The following TBC1D5 variants were observed in gnomAD, a reference collection of about 807,000 sequenced individuals.
The protein encoded by TBC1D5 is TBC1 domain family member 5.
TBC1D5 carries 75 observed loss-of-function variants against 100.3 expected under a neutral mutation model. The ratio of observed to expected loss-of-function variants is 0.75; its 90% confidence interval spans 0.62 to 0.91. The LOEUF (loss-of-function observed/expected upper bound fraction) is 0.91. Among genes scored for constraint, TBC1D5 ranks in the 40% least tolerant of loss-of-function variants. TBC1D5 has a pLI of 0.00. For synonymous variants in TBC1D5, 323 were observed against 325.6 expected, an observed-to-expected ratio of 0.99 and a Z score of 0.09; for missense variants, 910 against 942.4, an observed-to-expected ratio of 0.97 and a Z score of 0.45.
intron 13 of TBC1D5, among the ~76,000 whole-genome samples, chr3:17,350,022 T>C (rs1311179482): frequency 6.6e-6 from 1 of 152,162 alleles, no homozygotes; most frequent in African/African-American, 2.4e-5. Context: ...ATAACTTTTA[T>C]TTATTTACTG....
At chr3:17,636,297 G>A (rs1577148551) in intron 1 of TBC1D5, among the ~76,000 whole-genome samples, 2 of 152,202 alleles carry the variant, frequency 1.3e-5, no homozygotes, top group East Asian at 3.9e-4. Context: ...TAATATTTCT[G>A]ATCCTGTGAC....
At chr3:17,420,308 A>T (rs959755856) in intron 4 of TBC1D5, among the ~76,000 whole-genome samples, 5 of 152,150 alleles carry the variant, frequency 3.3e-5, no homozygotes, top group Non-Finnish European at 5.9e-5. Flanking sequence ...AACCACTACA[A>T]CTTTGTGCCA....
At chr3:17,600,915 CA>C (rs535982257) in intron 2 of TBC1D5, among the ~76,000 whole-genome samples, 1 of 152,040 alleles carries the variant, frequency 6.6e-6, no homozygotes, top group South Asian at 2.1e-4. Flanking sequence ...TTCTCTTATC[CA>C]AGTTAACAGA....
At chr3:17,418,333 T>G (rs533121240) in intron 4 of TBC1D5, among the ~76,000 whole-genome samples, 1 of 152,242 alleles carries the variant, frequency 6.6e-6, no homozygotes, top group Non-Finnish European at 1.5e-5. Context: ...CATCGCTGGG[T>G]GCAGTGGCTC....
At chr3:17,668,063 T>C (rs913312417) in intron 1 of TBC1D5, among the ~76,000 whole-genome samples, 5 of 150,800 alleles carry the variant, frequency 3.3e-5, no homozygotes, top group Admixed American at 1.3e-4. Context: ...TATGATTTAA[T>C]TCTCCCTGTA....
At chr3:17,328,134 G>T (rs2086397528) in intron 13 of TBC1D5, among the ~76,000 whole-genome samples, 1 of 152,080 alleles carries the variant, frequency 6.6e-6, no homozygotes, top group Non-Finnish European at 1.5e-5. Flanking sequence ...GCCAGGTGTG[G>T]TGGTACACAC....
intron 3 of TBC1D5, among the ~76,000 whole-genome samples, chr3:17,476,337 CA>C (rs1390525116): frequency 1.3e-5 from 2 of 151,890 alleles, no homozygotes; most frequent in Non-Finnish European, 2.9e-5. Context: ...GAAAATAATT[CA>C]TTTTTGTTTT....
intron 18 of TBC1D5, among the ~76,000 whole-genome samples, chr3:17,189,480 T>A (rs538693839): frequency 4.3e-4 from 66 of 152,300 alleles, no homozygotes; most frequent in Admixed American, 1.2e-3. Flanking sequence ...GACCAGAAGA[T>A]GAGGGCCACT....
In TBC1D5 at chr3:17,195,895, A is replaced by G. The variant is rs1286815946; in HGVS notation, c.1753-10687T>C. Reference sequence around the variant, plus strand: ...TTTGTTAGTTCATCCCTTAAGTTATACCCCATCTCTCACTAAATACCAACA... The same window carrying G: ...TTTGTTAGTTCATCCCTTAAGTTATGCCCCATCTCTCACTAAATACCAACA... On this transcript the variant is annotated intron_variant, in intron 18 of 21. Coordinates refer to ENST00000253692, the Ensembl canonical transcript of TBC1D5. Among the ~76,000 whole-genome samples, 3 of 152,046 alleles carry G rather than the reference A, an allele frequency of 2.0e-5. No individual in the cohort carries two copies. In the East Asian group the frequency reaches 5.8e-4, roughly 29 times the overall value.
intron 3 of TBC1D5, among the ~76,000 whole-genome samples, chr3:17,481,126 C>T (rs889316606): frequency 2.6e-5 from 4 of 152,180 alleles, no homozygotes; most frequent in African/African-American, 4.8e-5. Context: ...ATGTTCCCCT[C>T]GTCCAGATGT....
chr3:17,704,528 G>A (rs1240405511), intron 1 of TBC1D5, among the ~76,000 whole-genome samples: 3 of 91,606 alleles, frequency 3.3e-5, no homozygotes, highest in Admixed American at 1.2e-4. Context: ...CCTCCCGGAC[G>A]GGGCGGCTGG....
intron 1 of TBC1D5, among the ~76,000 whole-genome samples, chr3:17,710,237 AACAGAAAGAAAG>A (rs1035177949): frequency 3.3e-4 from 50 of 152,180 alleles, no homozygotes; most frequent in African/African-American, 1.2e-3. Flanking sequence ...GACCTTATGG[AACAGAAAGAAAG>A]ACACAGATTA....
chr3:17,181,047 A>C (rs773315122), intron 19 of TBC1D5, among the ~76,000 whole-genome samples: 3 of 152,158 alleles, frequency 2.0e-5, no homozygotes, highest in South Asian at 2.1e-4. Context: ...AGTTTCTGAG[A>C]CAGCTCTCAC....
intron 13 of TBC1D5, among the ~76,000 whole-genome samples, chr3:17,335,170 T>C (rs1363546017): frequency 2.0e-5 from 3 of 152,106 alleles, no homozygotes; most frequent in Admixed American, 1.3e-4. Flanking sequence ...TCTTAACAAG[T>C]TATGGTCTTA....
At chr3:17,364,141 A>G (rs10510473) in intron 13 of TBC1D5, among the ~76,000 whole-genome samples, 13,670 of 152,024 alleles carry the variant, frequency 0.09, 1,412 homozygotes, top group African/African-American at 0.26. Flanking sequence ...TAGGCTATTC[A>G]TGTATGTTTT....
At chr3:17,668,166 A>G (rs1158309647) in intron 1 of TBC1D5, among the ~76,000 whole-genome samples, 2 of 148,302 alleles carry the variant, frequency 1.3e-5, no homozygotes, top group Non-Finnish European at 3.0e-5. Flanking sequence ...ATATATATAT[A>G]TTTAAGATAT....
chr3:17,513,035 TA>T (rs898026659), intron 2 of TBC1D5, among the ~76,000 whole-genome samples: 1 of 151,870 alleles, frequency 6.6e-6, no homozygotes, highest in Non-Finnish European at 1.5e-5. Flanking sequence ...ATTTTCCATG[TA>T]AAAAAAATCA....
chr3:17,240,733 A>C (rs1231759571), intron 16 of TBC1D5, among the ~76,000 whole-genome samples: 2 of 152,134 alleles, frequency 1.3e-5, no homozygotes, highest in South Asian at 4.1e-4. Context: ...CTTGTTTGCA[A>C]GTCAGGATTC....
chr3:17,663,484 A>G (rs929191444), intron 1 of TBC1D5, among the ~76,000 whole-genome samples: 14 of 152,180 alleles, frequency 9.2e-5, no homozygotes, highest in African/African-American at 2.4e-5. Flanking sequence ...TAAATGGTCA[A>G]TAGCATTAAA....
Sources: allele counts gnomAD v4.1 joint callset (sites outside exome capture counted in the v4.1 genomes callset), GRCh38; gene constraint gnomAD v4.1.1; transcripts MANE v1.5; gene names NCBI Gene and HGNC (gene_info 2026-07-23, HGNC 2026-07-21).